GATA3: variants seen among roughly 807,000 people sequenced by gnomAD.
GATA3 encodes GATA binding protein 3.
In GATA3, 6 loss-of-function variants were observed where a neutral mutation model predicts 36.0. That is an observed-to-expected ratio of 0.17 (90% CI 0.09 to 0.33). The LOEUF is 0.33. Ranked by LOEUF, GATA3 falls within the 10% of genes least tolerant of loss-of-function variation. The probability of loss-of-function intolerance (pLI) is 1.00; values close to 1 mark genes in which losing one functional copy is unlikely to be tolerated. For missense variants in GATA3, 514 were observed against 610.1 expected, an observed-to-expected ratio of 0.84 and a Z score of 1.66; for synonymous variants, 326 against 273.0, an observed-to-expected ratio of 1.19 and a Z score of -1.92.
upstream of GATA3, among the ~76,000 whole-genome samples, chr10:8,048,859 G>C (rs1182633946): frequency 2.0e-5 from 3 of 151,680 alleles, no homozygotes; most frequent in African/African-American, 7.3e-5. Context: ...TTTTTATCTC[G>C]CTACAATCAG....
At chr10:8,060,191 A>G (rs1485108978) in intron 3 of GATA3, among the ~76,000 whole-genome samples, 1 of 152,202 alleles carries the variant, frequency 6.6e-6, no homozygotes, top group African/African-American at 2.4e-5. Context: ...TTATTTTCAG[A>G]CTGCTGCACG....
chr10:8,064,267 A>ATTT, intron 4 of GATA3, 129 bp downstream of exon 4: 10 of 773,890 alleles, frequency 1.3e-5, no homozygotes, highest in South Asian at 6.4e-5. Flanking sequence ...GGCTTGGGAC[A>ATTT]GTTTTTTTTT....
chr10:8,059,631 G>C (rs750556381), intron 3 of GATA3, among the ~76,000 whole-genome samples: 4 of 152,222 alleles, frequency 2.6e-5, no homozygotes, highest in Non-Finnish European at 4.4e-5. Context: ...GTGTATCTCA[G>C]CTTCCTGTGC....
intron 3 of GATA3, 93 bp downstream of exon 3, chr10:8,058,934 CG>C (rs1285901186): frequency 1.6e-6 from 2 of 1,212,498 alleles, no homozygotes; most frequent in East Asian, 2.4e-5. Context: ...TCAGGGGAGC[CG>C]GGGTGTCCCA....
At chr10:8,049,986 C>A (rs930266046), upstream of GATA3, among the ~76,000 whole-genome samples, 9 of 152,162 alleles carry the variant, frequency 5.9e-5, no homozygotes, top group African/African-American at 1.9e-4. Context: ...AAAGGCGCGG[C>A]GGTCCCGCGG....
At chr10:8,061,753 C>T (rs1412362759) in intron 3 of GATA3, among the ~76,000 whole-genome samples, 1 of 152,224 alleles carries the variant, frequency 6.6e-6, no homozygotes, top group African/African-American at 2.4e-5. Flanking sequence ...AGCTATCACC[C>T]TCCCCACCAC....
intron 4 of GATA3, among the ~76,000 whole-genome samples, chr10:8,064,742 G>A (rs1314129868): frequency 1.3e-5 from 2 of 152,228 alleles, no homozygotes; most frequent in African/African-American, 4.8e-5. Context: ...CTCAGCATTT[G>A]AGAACTTTCC....
At chr10:8,063,620 T>G (rs1268307314) in intron 3 of GATA3, among the ~76,000 whole-genome samples, 1 of 152,218 alleles carries the variant, frequency 6.6e-6, no homozygotes, top group African/African-American at 2.4e-5. Context: ...ATGGAATGTT[T>G]GCCTTTTGCC....
upstream of GATA3, chr10:8,050,823 G>T (rs907756897): frequency 2.1e-5 from 8 of 377,074 alleles, no homozygotes; most frequent in African/African-American, 1.1e-4. Flanking sequence ...GCCCCGGGCG[G>T]CCCGAGGCAC....
intron 5 of GATA3, among the ~76,000 whole-genome samples, chr10:8,070,610 C>T (rs1462532308): frequency 1.3e-5 from 2 of 152,038 alleles, no homozygotes; most frequent in East Asian, 1.9e-4. Context: ...TTGCTTGCGG[C>T]GGTTCTGGCA....
In GATA3 at chr10:8,074,994, C is replaced by T; in HGVS notation, c.*971C>T. ...GAGTCCGGCGGCATCTGTCTTGTCCCTATTCCTGCAGCCTGTGCTGAGGGT... is the reference window on the plus strand; with the variant it reads ...GAGTCCGGCGGCATCTGTCTTGTCCTTATTCCTGCAGCCTGTGCTGAGGGT... On this transcript the variant is annotated 3_prime_UTR_variant, in exon 6 of 6. Transcript: ENST00000379328. 1 of 233,432 alleles carries T rather than the reference C, an allele frequency of 4.3e-6. No individual in the cohort carries two copies. Among genetic ancestry groups the T allele is most frequent in the Non-Finnish European group, 8.5e-6 (1 of 118,016 alleles). 14.5% of individuals were successfully genotyped at this position (233,432 alleles called of 1,614,324 possible). A position where few individuals can be genotyped will look rare whatever the true frequency, so the allele number is the denominator to read the frequency against.
chr10:8,064,317 T>C (rs1056782401), intron 4 of GATA3, among the ~76,000 whole-genome samples, 179 bp downstream of exon 4: 2 of 150,892 alleles, frequency 1.3e-5, no homozygotes, highest in African/African-American at 4.9e-5. Flanking sequence ...TCTTCTTTTT[T>C]TTTTTTTTTT....
At chr10:8,056,441 C>T (rs570173645) in intron 2 of GATA3, among the ~76,000 whole-genome samples, 1 of 152,342 alleles carries the variant, frequency 6.6e-6, no homozygotes, top group Non-Finnish European at 1.5e-5. Context: ...TATTTATTCA[C>T]ACCCTTCTCC....
At chr10:8,049,664 C>A (rs948032879), upstream of GATA3, among the ~76,000 whole-genome samples, 10 of 152,316 alleles carry the variant, frequency 6.6e-5, no homozygotes, top group African/African-American at 2.4e-4. Context: ...ACAGCTTTAC[C>A]TGTGCTATAG....
chr10:8,067,690 C>T (rs865879556), intron 4 of GATA3, among the ~76,000 whole-genome samples: 21 of 139,568 alleles, frequency 1.5e-4, no homozygotes, highest in South Asian at 2.3e-4. Context: ...CGGTGGCGGG[C>T]GCCTGTAGTC....
chr10:8,067,696 T>A (rs1182951654), intron 4 of GATA3, among the ~76,000 whole-genome samples: 3 of 139,636 alleles, frequency 2.1e-5, no homozygotes, highest in Admixed American at 6.8e-5. Flanking sequence ...CGGGCGCCTG[T>A]AGTCCCAGCT....
chr10:8,055,527 C>G lies in GATA3; in HGVS notation c.-129C>G. On this transcript the variant is annotated 5_prime_UTR_variant, in exon 2 of 6. Transcript: ENST00000379328. This position sits in a 1 kb window ranked among gnomAD's most constrained non-coding sequence, Gnocchi z 5.4. ...CTTCCCAGCCTTCCCATCCCCCCAC[C>G]GAAAGCAAATCATTCAACGACCCCC... 9.3e-7 allele frequency: 1 copy of G among 1,074,474 alleles called. No individual in the cohort carries two copies. Among genetic ancestry groups the G allele is most frequent in the Non-Finnish European group, 1.3e-6 (1 of 754,688 alleles). 66.6% of individuals were successfully genotyped at this position (1,074,474 alleles called of 1,614,324 possible).
At chr10:8,051,478 A>T (rs1383175877), upstream of GATA3, 1 of 170,438 alleles carries the variant, frequency 5.9e-6, no homozygotes, top group Non-Finnish European at 1.3e-5. Flanking sequence ...CTGGTGAGGG[A>T]GGCCTTGCGC....
chr10:8,058,925 C>T, intron 3 of GATA3, 84 bp downstream of exon 3: 1 of 1,353,586 alleles, frequency 7.4e-7, no homozygotes, highest in Non-Finnish European at 1.0e-6. Flanking sequence ...AGGGACCCCT[C>T]AGGGGAGCCG....
Sources: allele counts gnomAD v4.1 joint callset (sites outside exome capture counted in the v4.1 genomes callset), GRCh38; gene constraint gnomAD v4.1.1; non-coding constraint Gnocchi (gnomAD v3.1); transcripts MANE v1.5; gene names NCBI Gene and HGNC (gene_info 2026-07-23, HGNC 2026-07-21).